CCDC62: variants seen among roughly 807,000 people sequenced by gnomAD.
CCDC62 encodes the protein coiled-coil domain containing 62.
In CCDC62, 72 loss-of-function variants were observed where a neutral mutation model predicts 80.8. That is an observed-to-expected ratio of 0.89 (90% CI 0.74 to 1.08). CCDC62 has a LOEUF of 1.08. Among genes scored for constraint, CCDC62 ranks in the 50% least tolerant of loss-of-function variants. The pLI is 0.00. For missense variants in CCDC62, 704 were observed against 809.4 expected (o/e 0.87, Z 1.58); for synonymous variants, 286 against 296.5 (o/e 0.96, Z 0.36).
At chr12:122,825,040 C>T (rs1298383640) in intron 12 of CCDC62, among the ~76,000 whole-genome samples, 7 of 148,884 alleles carry the variant, frequency 4.7e-5, no homozygotes, top group Non-Finnish European at 4.4e-5. Context: ...GAGCCGAGAT[C>T]GTGCCATTGC....
At chr12:122,817,892 C>G (rs1209649406) in intron 11 of CCDC62, among the ~76,000 whole-genome samples, 1 of 152,116 alleles carries the variant, frequency 6.6e-6, no homozygotes, top group Non-Finnish European at 1.5e-5. Flanking sequence ...GTCCATGACT[C>G]CTGCTCACTG....
chr12:122,782,183 A>G lies in CCDC62; in HGVS notation c.396+853A>G, dbSNP rs563315289. ...GACCTCATCTCAACAAAAAACAACA[A>G]CAGCAAGCAACCAATGCAAAAATGC... is the stretch of plus-strand genomic sequence containing the variant. On this transcript the variant is annotated intron_variant, in intron 3 of 12. Transcript: ENST00000253079. 1.1e-4 allele frequency among the ~76,000 whole-genome samples: 16 copies of G among 152,226 alleles called. No individual in the cohort carries two copies. The South Asian group carries it at 2.3e-3, about 22-fold the overall frequency.
intron 11 of CCDC62, among the ~76,000 whole-genome samples, chr12:122,815,226 A>G (rs1004907628): frequency 1.3e-5 from 2 of 151,398 alleles, no homozygotes; most frequent in Non-Finnish European, 2.9e-5. Context: ...TTACACGTAC[A>G]CGAAACCACA....
At chr12:122,803,030 A>T (rs1373154396) in intron 9 of CCDC62, among the ~76,000 whole-genome samples, 5 of 152,066 alleles carry the variant, frequency 3.3e-5, no homozygotes, top group African/African-American at 1.2e-4. Flanking sequence ...ACTCTATTTC[A>T]AAAACATTTG....
intron 3 of CCDC62, among the ~76,000 whole-genome samples, chr12:122,782,193 A>G (rs965832648): frequency 1.1e-4 from 16 of 152,252 alleles, no homozygotes; most frequent in African/African-American, 3.9e-4. Context: ...ACAGCAAGCA[A>G]CCAATGCAAA....
At chr12:122,821,447 CTTAT>C (rs911342970) in intron 11 of CCDC62, among the ~76,000 whole-genome samples, 3 of 152,072 alleles carry the variant, frequency 2.0e-5, no homozygotes, top group African/African-American at 7.2e-5. Context: ...TCCCTAAGGT[CTTAT>C]TTATTTATTA....
intron 12 of CCDC62, among the ~76,000 whole-genome samples, chr12:122,825,513 AT>A (rs79790987): frequency 9.9e-5 from 13 of 131,444 alleles, no homozygotes; most frequent in South Asian, 2.5e-4. Context: ...TGCCCGGCTA[AT>A]TTTTTTTTTT....
Position 122,781,208 on chromosome 12 carries a change from A to C in CCDC62, c.274A>C (p.Lys92Gln). 2 of 1,614,048 alleles carry C rather than the reference A, an allele frequency of 1.2e-6. No homozygotes were observed. Among genetic ancestry groups the C allele is most frequent in the Non-Finnish European group, 1.7e-6 (2 of 1,179,936 alleles). ...RTEIIRSLTK[K>Q]VKALESNQME... ...TGAAATAATCAGGTCACTCACGAAG[A>C]AGGTAAAAGCTCTTGAATCCAATCA... Residue 92 changes from lysine to glutamine, a missense_variant, in exon 3 of 13, where the codon AAG becomes CAG. Physicochemically the swap from Lys to Gln is moderately conservative, Grantham distance 53. Coordinates refer to ENST00000253079, the MANE Select transcript of CCDC62 (RefSeq NM_201435.5).
In CCDC62 at chr12:122,774,675, A is replaced by G; in HGVS notation, c.5A>G (p.Asn2Ser). The G allele has an allele frequency of 8.0e-7, 1 of 1,253,782 alleles. No homozygotes were observed. Among genetic ancestry groups the G allele is most frequent in the Non-Finnish European group, 1.0e-6 (1 of 990,632 alleles). The allele number at this position is 1,253,782 out of a possible 1,614,324, so 77.7% of individuals were successfully genotyped here. Residue 2 changes from asparagine (N) to serine (S), a missense_variant, in exon 1 of 13, where the codon AAC (asparagine) becomes AGC (serine). Coordinates refer to ENST00000253079, the MANE Select transcript of CCDC62 (RefSeq NM_201435.5). ...CCGGGGGCGGAGGAAACACCTATGA[A>G]CCCTCCGGCAGCCTTCCTTGCCGGG... M[N>S]PPAAFLAGRQ...
chr12:122,813,964 T>G (rs1008370507), intron 11 of CCDC62, among the ~76,000 whole-genome samples: 1 of 151,678 alleles, frequency 6.6e-6, no homozygotes, highest in Admixed American at 6.6e-5. Flanking sequence ...GCTGGAAATG[T>G]TTTAAAAAAC....
intron 3 of CCDC62, among the ~76,000 whole-genome samples, chr12:122,781,654 C>T (rs906276093): frequency 3.3e-5 from 5 of 151,048 alleles, no homozygotes; most frequent in African/African-American, 1.2e-4. Context: ...CATTGCACTC[C>T]AGTCCGGGCA....
At chr12:122,791,946 G>A in intron 5 of CCDC62, 74 bp from the exon 6 acceptor site, 2 of 971,956 alleles carry the variant, frequency 2.1e-6, no homozygotes, top group Non-Finnish European at 3.3e-6. Context: ...GGATGTGAGA[G>A]TTAGGCATAG....
At chr12:122,800,088 G>A (rs1004310204) in intron 8 of CCDC62, among the ~76,000 whole-genome samples, 5 of 151,910 alleles carry the variant, frequency 3.3e-5, no homozygotes, top group Non-Finnish European at 7.4e-5. Context: ...CCACCTCCTG[G>A]GTTCAAGCGA....
rs1220718409 is a variant in CCDC62 at position 122,810,713 on chromosome 12, G to A, written c.1852-2557G>A. ...ATAAATCATGCTGCTATAAAGACACGTGCACACGTATGTTTATTGTGGCAC... is the reference window on the plus strand; with the variant it reads ...ATAAATCATGCTGCTATAAAGACACATGCACACGTATGTTTATTGTGGCAC... On this transcript the variant is annotated intron_variant, in intron 10 of 12. Coordinates refer to ENST00000253079, the MANE Select transcript of CCDC62 (RefSeq NM_201435.5). Among the ~76,000 whole-genome samples, 29 of 152,210 alleles carry A rather than the reference G, an allele frequency of 1.9e-4. 1 individual carries two copies. Among genetic ancestry groups the A allele is most frequent in the African/African-American group, 6.5e-4 (27 of 41,518 alleles).
chr12:122,816,982 A>G (rs1282174068), intron 11 of CCDC62, among the ~76,000 whole-genome samples: 1 of 152,120 alleles, frequency 6.6e-6, no homozygotes, highest in East Asian at 1.9e-4. Context: ...ACTAGAATTC[A>G]TGGGATCCAT....
Position 122,792,073 on chromosome 12 carries a change from C to T in CCDC62, c.724C>T (p.Arg242Cys), listed in dbSNP as rs2030646550. The T allele has an allele frequency of 3.1e-6, 5 of 1,613,922 alleles. No individual in the cohort carries two copies. The highest frequency in any genetic ancestry group is 2.2e-5 in the East Asian group (1 of 44,880). The stretch of plus-strand genomic sequence containing the variant: ...TAATGAGCAACGAGAAGAGATCATT[C>T]GCCTCAAGCAAGAGAAAAGTTGCCT... ...ENNEQREEII[R>C]LKQEKSCLHD... The change falls in exon 6 of 13, where the codon CGC (arginine) becomes TGC (cysteine). Residue 242 changes from arginine (R) to cysteine (C), a missense_variant. Coordinates refer to ENST00000253079, the MANE Select transcript of CCDC62 (RefSeq NM_201435.5).
chr12:122,793,863 A>G (rs963561364), intron 6 of CCDC62, among the ~76,000 whole-genome samples: 7 of 152,188 alleles, frequency 4.6e-5, no homozygotes, highest in Non-Finnish European at 7.3e-5. Flanking sequence ...CACCATTTCT[A>G]GGATTGCTGC....
chr12:122,806,409 T>G (rs1461608739), intron 10 of CCDC62, 114 bp downstream of exon 10: 31 of 616,696 alleles, frequency 5.0e-5, no homozygotes, highest in South Asian at 6.7e-5. Context: ...CCTCCGTTTT[T>G]TTTTTTTTTT....
intron 11 of CCDC62, among the ~76,000 whole-genome samples, chr12:122,815,537 C>T (rs1222435883): frequency 6.6e-6 from 1 of 152,144 alleles, no homozygotes; most frequent in Admixed American, 6.6e-5. Context: ...AGCTCCGCCT[C>T]CCGGGTTCAC....
Sources: gnomAD v4.1 joint callset for allele counts (sites outside exome capture counted in the v4.1 genomes callset) on GRCh38, gnomAD v4.1.1 for gene constraint, MANE v1.5 for transcripts, NCBI Gene and HGNC (gene_info 2026-07-23, HGNC 2026-07-21) for gene names.